The following PLCXD3 variants were observed in gnomAD, a reference collection of about 807,000 sequenced individuals.
PLCXD3 encodes PI-PLC X domain-containing protein 3.
A neutral mutation model predicts 25.5 loss-of-function variants in PLCXD3; 19 were observed. The observed-to-expected ratio is 0.75, with a 90% confidence interval of 0.52 to 1.09. The LOEUF (loss-of-function observed/expected upper bound fraction) is 1.09. Ranked by LOEUF, PLCXD3 falls within the 50% of genes least tolerant of loss-of-function variation. The probability of loss-of-function intolerance (pLI) is 0.00; values close to 1 mark genes in which losing one functional copy is unlikely to be tolerated. For synonymous variants in PLCXD3, 174 were observed against 137.6 expected (o/e 1.26, Z -1.85); for missense variants, 411 against 388.1 (o/e 1.06, Z -0.50).
chr5:41,380,592 T>C (rs1235561145), intron 2 of PLCXD3, among the ~76,000 whole-genome samples: 3 of 152,126 alleles, frequency 2.0e-5, no homozygotes, highest in Non-Finnish European at 4.4e-5. Flanking sequence ...ACTCCAAGCT[T>C]TATCTCCTTT....
intron 2 of PLCXD3, among the ~76,000 whole-genome samples, chr5:41,340,953 G>T (rs1417600114): frequency 6.6e-6 from 1 of 151,816 alleles, no homozygotes; most frequent in Non-Finnish European, 1.5e-5. Flanking sequence ...AAAAAGTTTT[G>T]GTATTAAAAA....
rs79166025 is a variant in PLCXD3 at position 41,343,667 on chromosome 5, T to C, written c.813-29897A>G. ...ACAGTGTCTAGACTGAGAACGTTTG[T>C]AGTTACAATGAAAATCCAATATACT... On this transcript the variant is annotated intron_variant, in intron 2 of 2. Transcript: ENST00000377801. 3.7e-4 allele frequency among the ~76,000 whole-genome samples: 56 copies of C among 152,246 alleles called. No individual in the cohort carries two copies. In the East Asian group the frequency reaches 6.9e-3, roughly 19 times the overall value.
intron 2 of PLCXD3, among the ~76,000 whole-genome samples, chr5:41,353,773 G>A (rs1256342191): frequency 1.3e-5 from 2 of 152,184 alleles, no homozygotes; most frequent in African/African-American, 2.4e-5. Flanking sequence ...GTTTGTTCTA[G>A]TTGGAGACTT....
intron 1 of PLCXD3, among the ~76,000 whole-genome samples, chr5:41,387,949 T>C (rs377133887): frequency 2.0e-5 from 3 of 152,106 alleles, no homozygotes; most frequent in East Asian, 3.9e-4. Context: ...TGATTATTAA[T>C]ATCAATGGGC....
At chr5:41,342,448 CT>C (rs902658060) in intron 2 of PLCXD3, among the ~76,000 whole-genome samples, 1 of 152,226 alleles carries the variant, frequency 6.6e-6, no homozygotes, top group African/African-American at 2.4e-5. Flanking sequence ...GTTTCCCAAA[CT>C]TGTTAATAAT....
chr5:41,403,739 A>AT (rs1660268498), intron 1 of PLCXD3, among the ~76,000 whole-genome samples: 1 of 137,048 alleles, frequency 7.3e-6, no homozygotes, highest in African/African-American at 2.8e-5. Context: ...TGAACTCATC[A>AT]TTTTTTATGG....
intron 1 of PLCXD3, among the ~76,000 whole-genome samples, chr5:41,452,845 C>T (rs997056779): frequency 1.3e-5 from 2 of 151,908 alleles, no homozygotes; most frequent in African/African-American, 2.4e-5. Flanking sequence ...GTACCACATT[C>T]CATTATCTTT....
At chr5:41,483,294 A>G (rs1253428393) in intron 1 of PLCXD3, among the ~76,000 whole-genome samples, 1 of 152,180 alleles carries the variant, frequency 6.6e-6, no homozygotes, top group Non-Finnish European at 1.5e-5. Flanking sequence ...GATCAGGTGA[A>G]ACAGAGAATG....
Position 41,381,809 on chromosome 5 carries a change from AT to A in PLCXD3, c.812+16del, listed in dbSNP as rs1367144094. On this transcript the variant is annotated intron_variant, in intron 2 of 2. Transcript: ENST00000377801. The stretch of plus-strand genomic sequence containing the variant: ...AAATTATTTGAGGTTTCCCCCTGAC[AT>A]TTTAAAGACACTTACCTTTCTGTGA... The A allele has an allele frequency of 1.3e-6, 2 of 1,575,806 alleles. No homozygotes were observed. The highest frequency in any genetic ancestry group is 1.4e-5 in the African/African-American group (1 of 72,944).
chr5:41,404,540 C>T (rs1746294917), intron 1 of PLCXD3, among the ~76,000 whole-genome samples: 1 of 152,066 alleles, frequency 6.6e-6, no homozygotes, highest in Non-Finnish European at 1.5e-5. Context: ...AGAATATTTA[C>T]TACCATCTGT....
At chr5:41,508,978 T>C (rs1003381216) in intron 1 of PLCXD3, among the ~76,000 whole-genome samples, 1 of 152,128 alleles carries the variant, frequency 6.6e-6, no homozygotes, top group African/African-American at 2.4e-5. Context: ...GGTAGCAAGC[T>C]ATCTGTTGAA....
chr5:41,461,093 A>T (rs545599169), intron 1 of PLCXD3, among the ~76,000 whole-genome samples: 159 of 152,156 alleles, frequency 1.0e-3, no homozygotes, highest in Non-Finnish European at 1.7e-3. Flanking sequence ...TAATCAAAAC[A>T]TATAATACAT....
intron 1 of PLCXD3, among the ~76,000 whole-genome samples, chr5:41,505,215 G>T (rs1240417398): frequency 6.6e-6 from 1 of 151,844 alleles, no homozygotes; most frequent in African/African-American, 2.4e-5. Context: ...AGCTGTGTGT[G>T]AGTGTGTGTG....
intron 1 of PLCXD3, among the ~76,000 whole-genome samples, chr5:41,479,712 GGAGAGAGAGAGAGAGAAAGA>G (rs1748356177): frequency 1.3e-5 from 2 of 149,202 alleles, no homozygotes; most frequent in Admixed American, 1.3e-4. Context: ...CTGCTGAGAG[GGAGAGAGAGAGAGAGAAAGA>G]GAGAGAGAGA....
At position 41,308,063 on chromosome 5, in the gene PLCXD3, A is replaced by G. The variant is rs1743044418; in HGVS notation, c.*5554T>C. On this transcript the variant is annotated 3_prime_UTR_variant, in exon 3 of 3. Transcript: ENST00000377801. ...TATTTGAGTTCGTCCTTCAAAAAGC[A>G]TTTGCAGGACCTAGAGCTGACCAAT... 2 of 152,152 alleles carry G rather than the reference A, an allele frequency of 1.3e-5. No homozygotes were observed. The highest frequency in any genetic ancestry group is 4.1e-4 in the South Asian group (2 of 4,828). 9.4% of individuals were successfully genotyped at this position (152,152 alleles called of 1,614,324 possible).
chr5:41,385,368 A>C (rs561109219), intron 1 of PLCXD3, among the ~76,000 whole-genome samples: 1 of 152,098 alleles, frequency 6.6e-6, no homozygotes, highest in East Asian at 1.9e-4. Context: ...TGTTGAGTTT[A>C]GTTTCTCATC....
chr5:41,466,610 A>G (rs1748022833), intron 1 of PLCXD3, among the ~76,000 whole-genome samples: 1 of 152,026 alleles, frequency 6.6e-6, no homozygotes, highest in Non-Finnish European at 1.5e-5. Context: ...TGTCTACAGT[A>G]ACTCTGCTTG....
At chr5:41,366,668 T>C (rs1438731341) in intron 2 of PLCXD3, among the ~76,000 whole-genome samples, 2 of 152,226 alleles carry the variant, frequency 1.3e-5, no homozygotes, top group Non-Finnish European at 2.9e-5. Flanking sequence ...TTCCGAACTT[T>C]TAAGTTCAGG....
At chr5:41,372,694 G>A (rs956262987) in intron 2 of PLCXD3, among the ~76,000 whole-genome samples, 6 of 151,960 alleles carry the variant, frequency 3.9e-5, no homozygotes, top group African/African-American at 4.8e-5. Context: ...CTTGAGCCCC[G>A]CCACCAACTG....
Sources: gnomAD v4.1 joint callset for allele counts (sites outside exome capture counted in the v4.1 genomes callset) on GRCh38, gnomAD v4.1.1 for gene constraint, MANE v1.5 for transcripts, NCBI Gene and HGNC (gene_info 2026-07-23, HGNC 2026-07-21) for gene names.